C4orf54: variants seen among roughly 807,000 people sequenced by gnomAD.
C4orf54 encodes the protein uncharacterized protein C4orf54.
A neutral mutation model predicts 80.1 loss-of-function variants in C4orf54; 67 were observed. That is an observed-to-expected ratio of 0.84 (90% CI 0.69 to 1.03). C4orf54 has a LOEUF of 1.03. Among genes scored for constraint, C4orf54 ranks in the 50% least tolerant of loss-of-function variants. The pLI is 0.00. For synonymous variants in C4orf54, 1,000 were observed against 917.0 expected (o/e 1.09, Z -1.64); for missense variants, 2,434 against 2,253.5 (o/e 1.08, Z -1.62).
Position 99,649,662 on chromosome 4 carries a change from G to A in C4orf54, c.4987C>T (p.Pro1663Ser), listed in dbSNP as rs1471230794. The change falls in exon 2 of 3, where the codon CCT becomes TCT. Residue 1663 changes from proline to serine, a missense_variant. By Grantham distance (74) the Pro-to-Ser change is moderately conservative. Transcript: ENST00000511828. ...GCCCCAGGACTCAGGGCCAAGGGAG[G>A]CACAGAGATGGACATGGGAGCCACA... The part of the protein sequence containing the change: ...QAVAPMSISV[P>S]PLALSPGAYG... 5 of 1,536,174 alleles carry A rather than the reference G, an allele frequency of 3.3e-6. No homozygotes were observed. Among genetic ancestry groups the A allele is most frequent in the Non-Finnish European group, 4.4e-6 (5 of 1,146,914 alleles).
rs1726781828 is a variant in C4orf54 at position 99,650,192 on chromosome 4, C to T, written c.4457G>A (p.Ser1486Asn). 1.6e-5 allele frequency: 25 copies of T among 1,535,844 alleles called. No individual in the cohort carries two copies. Among genetic ancestry groups the T allele is most frequent in the Non-Finnish European group, 2.2e-5 (25 of 1,146,864 alleles). Reference sequence around the variant, plus strand: ...CCCCTCCCTGGAAGCCCCAGGCCTGCTAAGAAGCTCCCCTGCAGCAGAGCT... The same window carrying T: ...CCCCTCCCTGGAAGCCCCAGGCCTGTTAAGAAGCTCCCCTGCAGCAGAGCT... ...KGSSAAGELL[S>N]RPGASREGPP... The change falls in exon 2 of 3, where the codon AGC becomes AAC. Residue 1486 changes from serine to asparagine, a missense_variant. Physicochemically the swap from Ser to Asn is conservative, Grantham distance 46. Coordinates refer to ENST00000511828, the MANE Select transcript of C4orf54 (RefSeq NM_001354435.2).
intron 2 of C4orf54, among the ~76,000 whole-genome samples, chr4:99,642,314 T>C (rs985766314): frequency 6.6e-6 from 1 of 152,184 alleles, no homozygotes; most frequent in African/African-American, 2.4e-5. Context: ...TACAAGGATT[T>C]GATAACAACT....
intron 2 of C4orf54, among the ~76,000 whole-genome samples, chr4:99,644,525 C>T (rs1411169394): frequency 6.6e-6 from 1 of 152,086 alleles, no homozygotes; most frequent in Admixed American, 6.5e-5. Flanking sequence ...TAGAAATAAA[C>T]TATTCAATTC....
Position 99,651,216 on chromosome 4 carries a change from A to G in C4orf54, c.3433T>C (p.Ser1145Pro). ...ATCACCATGGGGGACAGGGATCCAG[A>G]TCCGCCAGCTGCTGCAGACAGCTGC... is the stretch of plus-strand genomic sequence containing the variant. ...PRQLSAAAGG[S>P]GSLSPMVITC... Residue 1145 changes from serine (S) to proline (P), a missense_variant, in exon 2 of 3, where the codon TCT becomes CCT. Ser to Pro is a moderately conservative substitution (Grantham distance 74). Transcript: ENST00000511828. 1 of 1,536,042 alleles carries G rather than the reference A, an allele frequency of 6.5e-7. No individual in the cohort carries two copies. Among genetic ancestry groups the G allele is most frequent in the Non-Finnish European group, 8.7e-7 (1 of 1,146,892 alleles).
intron 1 of C4orf54, 63 bp from the exon 2 acceptor site, chr4:99,654,742 A>C: frequency 1.6e-6 from 1 of 610,734 alleles, no homozygotes; most frequent in South Asian, 1.9e-5. Context: ...TTCCGTAGTC[A>C]TATCGAAACC....
Position 99,637,257 on chromosome 4 carries a change from T to C in C4orf54, c.*3976A>G, listed in dbSNP as rs1337636836. 6.6e-6 allele frequency: 1 copy of C among 152,210 alleles called. No individual in the cohort carries two copies. 9.4% of individuals were successfully genotyped at this position (152,210 alleles called of 1,614,324 possible). A position where few individuals can be genotyped will look rare whatever the true frequency, so the allele number is the denominator to read the frequency against. On this transcript the variant is annotated 3_prime_UTR_variant, in exon 3 of 3. Coordinates refer to ENST00000511828, the MANE Select transcript of C4orf54 (RefSeq NM_001354435.2). The stretch of plus-strand genomic sequence containing the variant: ...ATTATGAATTAAACAGGAATAAATC[T>C]AATAATGTGTTCTAGTTGCAACACG...
Position 99,652,594 on chromosome 4 carries a change from C to G in C4orf54, c.2055G>C (p.Ala685=), listed in dbSNP as rs766605980. The change falls in exon 2 of 3, where the codon GCG becomes GCC. Residue 685 remains alanine, a synonymous_variant. Coordinates refer to ENST00000511828, the MANE Select transcript of C4orf54 (RefSeq NM_001354435.2). ...TCCTCAGACCTGCAGCCACAGAGGC[C>G]GCGCTGCTCCTGAGGAGGCTCTGCT... is the stretch of plus-strand genomic sequence containing the variant. The part of the protein sequence containing the change: ...RVEQSLLRSS[A]ASVAAGLRKG... The G allele has an allele frequency of 8.5e-6, 13 of 1,535,918 alleles. No homozygotes were observed. The highest frequency in any genetic ancestry group is 1.1e-5 in the Non-Finnish European group (13 of 1,146,910).
At chr4:99,641,392 T>A (rs1379240062) in intron 2 of C4orf54, among the ~76,000 whole-genome samples, 196 bp from the exon 3 acceptor site, 1 of 152,174 alleles carries the variant, frequency 6.6e-6, no homozygotes, top group African/African-American at 2.4e-5. Flanking sequence ...CTAAACATTA[T>A]GCCAACTTCA....
In C4orf54 at chr4:99,652,936, C is replaced by T. The variant is rs1243515773; in HGVS notation, c.1713G>A (p.Pro571=). ...CATGGTCCTGAGCCACTGCTGCAGC[C>T]GGGTTTTGCTTCAGCGAACTTGAAT... ...EHNSSSLKQN[P]AAAVAQDHAK... The change falls in exon 2 of 3, where the codon CCG becomes CCA. Residue 571 remains proline (P), a synonymous_variant. Coordinates refer to ENST00000511828, the MANE Select transcript of C4orf54 (RefSeq NM_001354435.2). 2 of 1,536,162 alleles carry T rather than the reference C, an allele frequency of 1.3e-6. No individual in the cohort carries two copies. Among genetic ancestry groups the T allele is most frequent in the South Asian group, 1.2e-5 (1 of 84,060 alleles).
At position 99,652,828 on chromosome 4, in the gene C4orf54, G is replaced by A. The variant is rs1305845202; in HGVS notation, c.1821C>T (p.Ser607=). The change falls in exon 2 of 3, where the codon AGC becomes AGT. Residue 607 remains serine (S), a synonymous_variant. Transcript: ENST00000511828. ...GTTCGCTCACGGCACTGGAGGCTCC[G>A]CTGGAGTAGTCCACCAGCTCCTTCG... The part of the protein sequence containing the change: ...IRAKELVDYS[S]GASSAVSELD... The A allele has an allele frequency of 2.0e-6, 3 of 1,536,094 alleles. No homozygotes were observed. The highest frequency in any genetic ancestry group is 2.4e-5 in the East Asian group (1 of 40,894).
In C4orf54 at chr4:99,649,992, C is replaced by T. The variant is rs977031195; in HGVS notation, c.4657G>A (p.Glu1553Lys). 7.9e-5 allele frequency: 121 copies of T among 1,533,926 alleles called. 1 individual carries two copies. Among genetic ancestry groups the T allele is most frequent in the Non-Finnish European group, 9.4e-5 (108 of 1,146,252 alleles). The change falls in exon 2 of 3, where the codon GAG becomes AAG. Residue 1553 changes from glutamate to lysine, a missense_variant. Glu to Lys is a moderately conservative substitution (Grantham distance 56). Coordinates refer to ENST00000511828, the MANE Select transcript of C4orf54 (RefSeq NM_001354435.2). Reference protein sequence around the residue: ...VAAPPGPQSPEHPPTTIYHQP... With the variant: ...VAAPPGPQSPKHPPTTIYHQP... ...TGGTAGATGGTGGTGGGGGGATGCT[C>T]GGGGCTCTGTGGCCCTGGGGGGGCA...
In C4orf54 at chr4:99,651,769, A is replaced by G. The variant is rs1443048821; in HGVS notation, c.2880T>C (p.Pro960=). 7.2e-6 allele frequency: 11 copies of G among 1,535,764 alleles called. No homozygotes were observed. The highest frequency in any genetic ancestry group is 9.6e-6 in the Non-Finnish European group (11 of 1,146,844). Residue 960 remains proline (P), a synonymous_variant, in exon 2 of 3, where the codon CCT becomes CCC. Coordinates refer to ENST00000511828, the MANE Select transcript of C4orf54 (RefSeq NM_001354435.2). ...CTTTGGGCAGCTTCAGCTTCCCTAT[A>G]GGGGCTTGTTCCTCCCTCTTCTCGG... ...KEAEKREEQA[P]IGKLKLPKGG...
intron 1 of C4orf54, among the ~76,000 whole-genome samples, chr4:99,654,937 G>T (rs931415709): frequency 1.3e-5 from 2 of 152,224 alleles, no homozygotes; most frequent in South Asian, 2.1e-4. Flanking sequence ...TTGATTAAAT[G>T]GTTCCCCCCA....
rs1318554425 is a variant in C4orf54 at position 99,651,158 on chromosome 4, T to C, written c.3491A>G (p.Asp1164Gly). 6.5e-7 allele frequency: 1 copy of C among 1,536,150 alleles called. No homozygotes were observed. The highest frequency in any genetic ancestry group is 2.0e-5 in the Admixed American group (1 of 51,006). ...TTCCCTGGGCTCTCGGTCCATGCTG[T>C]CTTCCCTCTGGTTCACTACAGCCTG... ...TCQAVVNQRE[D>G]SMDREPRESM... Residue 1164 changes from aspartate to glycine, a missense_variant, in exon 2 of 3, where the codon GAC becomes GGC. By Grantham distance (94) the Asp-to-Gly change is moderately conservative. Transcript: ENST00000511828.
chr4:99,642,284 A>C (rs990010846), intron 2 of C4orf54, among the ~76,000 whole-genome samples: 2 of 152,232 alleles, frequency 1.3e-5, no homozygotes, highest in African/African-American at 2.4e-5. Flanking sequence ...TGGGACTGAG[A>C]AGAATAATTT....
In C4orf54 at chr4:99,638,424, G is replaced by A. The variant is rs1489411151; in HGVS notation, c.*2809C>T. 3 of 152,058 alleles carry A rather than the reference G, an allele frequency of 2.0e-5. No homozygotes were observed. Among genetic ancestry groups the A allele is most frequent in the Non-Finnish European group, 2.9e-5 (2 of 67,970 alleles). 9.4% of individuals were successfully genotyped at this position (152,058 alleles called of 1,614,324 possible). ...CCATTTTATCAACAAGTAAAAAGTG[G>A]ATCTTCTGGAAAACTAAGCCACACA... On this transcript the variant is annotated 3_prime_UTR_variant, in exon 3 of 3. Coordinates refer to ENST00000511828, the MANE Select transcript of C4orf54 (RefSeq NM_001354435.2).
In C4orf54 at chr4:99,653,640, C is replaced by T. The variant is rs1474369368; in HGVS notation, c.1009G>A (p.Gly337Arg). ...GGGGGGKGGG[G>R]GGAGDGTECR... ...TCTGTTCCATCTCCTGCCCCTCCTC[C>T]CCCTCCTCCTTTTCCTCCTCCCCCT... Residue 337 changes from glycine (G) to arginine (R), a missense_variant, in exon 2 of 3, where the codon GGA becomes AGA. Transcript: ENST00000511828. 2 of 1,533,960 alleles carry T rather than the reference C, an allele frequency of 1.3e-6. No homozygotes were observed. The highest frequency in any genetic ancestry group is 2.7e-5 in the African/African-American group (2 of 72,908).
chr4:99,656,644 C>T (rs936626201), intron 1 of C4orf54, among the ~76,000 whole-genome samples: 1 of 152,174 alleles, frequency 6.6e-6, no homozygotes, highest in African/African-American at 2.4e-5. Context: ...TTACTATGTG[C>T]CAAGAACTAC....
In C4orf54 at chr4:99,651,652, G is replaced by C; in HGVS notation, c.2997C>G (p.Pro999=). The C allele has an allele frequency of 6.5e-7, 1 of 1,536,080 alleles. No individual in the cohort carries two copies. The highest frequency in any genetic ancestry group is 8.7e-7 in the Non-Finnish European group (1 of 1,146,892). ...CCTGCTTCCTCGGCTGCTTGTCCTT[G>C]GGTGTCTGCTGGATGTTGGGGACAA... is the stretch of plus-strand genomic sequence containing the variant. ...RLFVPNIQQT[P]KDKQPRKQAT... is the part of the protein sequence containing the mutation. The change falls in exon 2 of 3, where the codon CCC becomes CCG. Residue 999 remains proline (P), a synonymous_variant. Coordinates refer to ENST00000511828, the MANE Select transcript of C4orf54 (RefSeq NM_001354435.2).
Sources: allele counts gnomAD v4.1 joint callset (sites outside exome capture counted in the v4.1 genomes callset), GRCh38; gene constraint gnomAD v4.1.1; transcripts MANE v1.5; gene names NCBI Gene and HGNC (gene_info 2026-07-23, HGNC 2026-07-21).